The following NRXN3 variants were observed in gnomAD, a reference collection of about 807,000 sequenced individuals.
The protein encoded by NRXN3 is neurexin 3.
A neutral mutation model predicts 137.6 loss-of-function variants in NRXN3; 32 were observed. That is an observed-to-expected ratio of 0.23 (90% CI 0.18 to 0.31). The LOEUF (loss-of-function observed/expected upper bound fraction) is 0.31, where lower values mean the gene tolerates loss of function less well. Among genes scored for constraint, NRXN3 ranks in the 10% least tolerant of loss-of-function variants. The pLI is 1.00. For missense variants in NRXN3, 1,574 were observed against 2,062.5 expected (o/e 0.76, Z 4.59); for synonymous variants, 798 against 784.5 (o/e 1.02, Z -0.29).
At chr14:79,738,441 G>T (rs185236168) in intron 19 of NRXN3, among the ~76,000 whole-genome samples, 52 of 152,128 alleles carry the variant, frequency 3.4e-4, no homozygotes, top group African/African-American at 1.2e-3. Context: ...TCAAGAAACA[G>T]ATTCTCTTTT....
At chr14:78,528,330 C>A (rs531475922) in intron 4 of NRXN3, among the ~76,000 whole-genome samples, 19 of 152,256 alleles carry the variant, frequency 1.2e-4, no homozygotes, top group African/African-American at 4.6e-4. Flanking sequence ...CAGTGGAATT[C>A]CCATTTTGTG....
At chr14:79,413,912 G>A (rs2095458196) in intron 15 of NRXN3, among the ~76,000 whole-genome samples, 1 of 134,656 alleles carries the variant, frequency 7.4e-6, no homozygotes, top group South Asian at 2.5e-4. Context: ...AAAAGCTTAT[G>A]GCTCTTTTTG....
chr14:78,576,451 A>G (rs1250367985), intron 4 of NRXN3, among the ~76,000 whole-genome samples: 1 of 152,128 alleles, frequency 6.6e-6, no homozygotes, highest in Non-Finnish European at 1.5e-5. Context: ...GAATATAAAA[A>G]TCTCCCATAA....
chr14:78,335,136 C>T (rs1398549607), intron 4 of NRXN3, among the ~76,000 whole-genome samples: 4 of 152,186 alleles, frequency 2.6e-5, no homozygotes, highest in African/African-American at 9.7e-5. Flanking sequence ...ACTTCTTTCC[C>T]TCTAAATCCC....
chr14:78,863,459 C>T (rs2099078367), intron 10 of NRXN3, among the ~76,000 whole-genome samples: 1 of 152,062 alleles, frequency 6.6e-6, no homozygotes, highest in Non-Finnish European at 1.5e-5. Flanking sequence ...ACTGCCTGCT[C>T]TGATTGCTCT....
chr14:78,602,188 A>G (rs2097207060), intron 4 of NRXN3, among the ~76,000 whole-genome samples: 1 of 150,936 alleles, frequency 6.6e-6, no homozygotes, highest in Non-Finnish European at 1.5e-5. Context: ...TGGTGCTATC[A>G]CCTTCAGAAA....
chr14:78,722,045 T>C (rs2098462655), intron 8 of NRXN3, among the ~76,000 whole-genome samples: 1 of 152,082 alleles, frequency 6.6e-6, no homozygotes, highest in Admixed American at 6.6e-5. Flanking sequence ...TGAGAGTTAT[T>C]CCACCAGGTG....
intron 19 of NRXN3, among the ~76,000 whole-genome samples, chr14:79,795,182 C>T (rs1433846419): frequency 2.6e-5 from 4 of 152,140 alleles, no homozygotes; most frequent in Admixed American, 2.0e-4. Context: ...AGAAACAATT[C>T]ATCTCATCTC....
At chr14:78,908,034 A>G (rs2099223997) in intron 10 of NRXN3, among the ~76,000 whole-genome samples, 1 of 151,934 alleles carries the variant, frequency 6.6e-6, no homozygotes, top group Non-Finnish European at 1.5e-5. Context: ...TTCCTTATCC[A>G]TTCTATCATT....
intron 15 of NRXN3, among the ~76,000 whole-genome samples, chr14:79,376,214 GTATATATATATA>G (rs1159913935): frequency 0.074 from 5,273 of 70,856 alleles, 247 homozygotes; most frequent in Middle Eastern, 0.19. Context: ...GTGTGTGTAT[GTATATATATATA>G]TATATATATA....
At chr14:79,316,526 G>A (rs2088727401) in intron 15 of NRXN3, among the ~76,000 whole-genome samples, 2 of 152,354 alleles carry the variant, frequency 1.3e-5, no homozygotes, top group East Asian at 1.9e-4. Flanking sequence ...CGGATGATCG[G>A]TGGTAAGGGT....
intron 1 of NRXN3, among the ~76,000 whole-genome samples, chr14:78,176,568 G>A (rs1207646162): frequency 1.3e-5 from 2 of 152,136 alleles, no homozygotes; most frequent in East Asian, 3.9e-4. Context: ...AGTGTTAGAG[G>A]AAAAAGGGAG....
chr14:79,688,470 A>C (rs2098703916), intron 17 of NRXN3, among the ~76,000 whole-genome samples: 1 of 152,182 alleles, frequency 6.6e-6, no homozygotes, highest in Admixed American at 6.5e-5. Flanking sequence ...GTTATTTTCC[A>C]TGTTATACAA....
intron 4 of NRXN3, among the ~76,000 whole-genome samples, chr14:78,642,751 T>C (rs1356149893): frequency 6.6e-6 from 1 of 152,200 alleles, no homozygotes; most frequent in African/African-American, 2.4e-5. Flanking sequence ...CAAAGACGAT[T>C]CTTCAGAAAT....
intron 15 of NRXN3, among the ~76,000 whole-genome samples, chr14:79,464,559 G>A (rs2096396940): frequency 1.3e-5 from 2 of 152,174 alleles, no homozygotes; most frequent in African/African-American, 2.4e-5. Context: ...AATGCTTAAA[G>A]TTGTTGATAT....
chr14:79,415,034 A>G (rs1336859582), intron 15 of NRXN3, among the ~76,000 whole-genome samples: 2 of 152,130 alleles, frequency 1.3e-5, no homozygotes, highest in Non-Finnish European at 2.9e-5. Context: ...CAAATATCAG[A>G]ATACCCTTCT....
At chr14:79,682,598 T>C (rs2154014745) in intron 17 of NRXN3, among the ~76,000 whole-genome samples, 1 of 152,312 alleles carries the variant, frequency 6.6e-6, no homozygotes, top group East Asian at 1.9e-4. Context: ...TTATTAACTT[T>C]ACGGGGAGAA....
chr14:79,432,889 T>C (rs997014613), intron 15 of NRXN3, among the ~76,000 whole-genome samples: 4 of 152,206 alleles, frequency 2.6e-5, no homozygotes, highest in Non-Finnish European at 5.9e-5. Flanking sequence ...CAGTTTATTA[T>C]TTCACACTGC....
At chr14:79,477,626 A>AT (rs2096571533) in intron 16 of NRXN3, among the ~76,000 whole-genome samples, 2 of 152,022 alleles carry the variant, frequency 1.3e-5, no homozygotes, top group African/African-American at 2.4e-5. Flanking sequence ...ACATTTAAAG[A>AT]TTTTTTTAGA....
Sources: gnomAD v4.1 joint callset for allele counts (sites outside exome capture counted in the v4.1 genomes callset) on GRCh38, gnomAD v4.1.1 for gene constraint, MANE v1.5 for transcripts, NCBI Gene and HGNC (gene_info 2026-07-23, HGNC 2026-07-21) for gene names.